FHIT: variants seen among roughly 807,000 people sequenced by gnomAD.
FHIT encodes the protein fragile histidine triad diadenosine triphosphatase, also known as bis(5'-adenosyl)-triphosphatase.
In FHIT, 19 loss-of-function variants were observed where a neutral mutation model predicts 17.9. The ratio of observed to expected loss-of-function variants is 1.06; its 90% CI spans 0.74 to 1.56. The LOEUF (loss-of-function observed/expected upper bound fraction) is 1.56. Ranked by LOEUF, FHIT falls within the 40% of genes most tolerant of loss-of-function variation. The pLI is 0.00. For missense variants in FHIT, 248 were observed against 189.2 expected (o/e 1.31, Z -1.82); for synonymous variants, 81 against 69.7 (o/e 1.16, Z -0.81).
intron 5 of FHIT, among the ~76,000 whole-genome samples, chr3:60,153,942 GT>G (rs1222423864): frequency 9.2e-5 from 14 of 152,186 alleles, no homozygotes; most frequent in African/African-American, 3.4e-4. Context: ...TGACATACTA[GT>G]AAGAGAGACA....
At chr3:60,215,564 A>AAAAAC (rs1293988829) in intron 5 of FHIT, among the ~76,000 whole-genome samples, 1 of 152,178 alleles carries the variant, frequency 6.6e-6, no homozygotes, top group African/African-American at 2.4e-5. Flanking sequence ...CTCCATCTCA[A>AAAAAC]AAAATAAAAT....
intron 8 of FHIT, among the ~76,000 whole-genome samples, chr3:59,900,376 C>T (rs1184984127): frequency 6.6e-6 from 1 of 152,222 alleles, no homozygotes; most frequent in Non-Finnish European, 1.5e-5. Flanking sequence ...CTGACTAAAT[C>T]AAAGTCCACA....
chr3:60,263,556 C>T (rs1706407534), intron 5 of FHIT, among the ~76,000 whole-genome samples: 1 of 151,664 alleles, frequency 6.6e-6, no homozygotes, highest in Non-Finnish European at 1.5e-5. Flanking sequence ...AGAAAAGGCC[C>T]CAGGAACAAA....
chr3:59,934,134 G>T (rs747605819), intron 7 of FHIT, among the ~76,000 whole-genome samples: 7 of 152,068 alleles, frequency 4.6e-5, no homozygotes, highest in Non-Finnish European at 8.8e-5. Flanking sequence ...TATATGCCAG[G>T]CACCATATGC....
Position 60,364,938 on chromosome 3 carries a change from T to G in FHIT, c.103+171922A>C, listed in dbSNP as rs376227167. On this transcript the variant is annotated intron_variant, in intron 5 of 9. Coordinates refer to ENST00000492590, the MANE Select transcript of FHIT (RefSeq NM_002012.4). ...GGCCTAATTAGATTAAATCATACCA[T>G]AGGCTTTCTTGGTTATCCAGCTTTC... 5.3e-5 allele frequency among the ~76,000 whole-genome samples: 8 copies of G among 152,222 alleles called. 1 individual carries two copies. The highest frequency in any genetic ancestry group is 2.1e-4 in the South Asian group (1 of 4,826).
intron 8 of FHIT, among the ~76,000 whole-genome samples, chr3:59,897,907 C>T (rs1035609857): frequency 6.6e-6 from 1 of 152,058 alleles, no homozygotes; most frequent in African/African-American, 2.4e-5. Context: ...GCTGGGACTA[C>T]AGGCACCCGC....
chr3:60,364,642 C>A (rs1312573547), intron 5 of FHIT, among the ~76,000 whole-genome samples: 4 of 152,134 alleles, frequency 2.6e-5, no homozygotes, highest in Non-Finnish European at 4.4e-5. Flanking sequence ...ATTCTATGTG[C>A]CAATTTGACT....
intron 7 of FHIT, among the ~76,000 whole-genome samples, chr3:59,968,188 G>T (rs1362980458): frequency 6.6e-6 from 1 of 152,002 alleles, no homozygotes; most frequent in Non-Finnish European, 1.5e-5. Flanking sequence ...CTTTCTTTAG[G>T]CTGTACCCAC....
intron 5 of FHIT, among the ~76,000 whole-genome samples, chr3:60,294,154 G>T (rs1708105010): frequency 1.3e-5 from 2 of 152,066 alleles, no homozygotes; most frequent in South Asian, 4.1e-4. Flanking sequence ...GTGAATATGG[G>T]GTCATAGCTT....
chr3:60,809,064 T>G (rs1164448764), intron 4 of FHIT, among the ~76,000 whole-genome samples: 18 of 152,214 alleles, frequency 1.2e-4, no homozygotes, highest in African/African-American at 4.3e-4. Flanking sequence ...TTCCCAGTAA[T>G]CAACATGCAG....
At chr3:60,978,239 T>C (rs1160591939) in intron 3 of FHIT, among the ~76,000 whole-genome samples, 6 of 152,190 alleles carry the variant, frequency 3.9e-5, no homozygotes, top group Non-Finnish European at 7.3e-5. Context: ...CTTCTAGAAC[T>C]TTAACGTGGC....
chr3:60,357,661 A>T (rs1308793160), intron 5 of FHIT, among the ~76,000 whole-genome samples: 1 of 152,230 alleles, frequency 6.6e-6, no homozygotes, highest in African/African-American at 2.4e-5. Context: ...AGCTTAATCC[A>T]ACATGAAAAT....
chr3:61,049,659 T>C (rs1054394295), intron 2 of FHIT, among the ~76,000 whole-genome samples: 5 of 152,166 alleles, frequency 3.3e-5, no homozygotes, highest in African/African-American at 9.7e-5. Context: ...AAAATCTCTA[T>C]AAAATCTAGC....
At chr3:59,838,486 G>C (rs1249921699) in intron 8 of FHIT, among the ~76,000 whole-genome samples, 2 of 152,122 alleles carry the variant, frequency 1.3e-5, no homozygotes, top group Non-Finnish European at 2.9e-5. Flanking sequence ...CAAATTCCAA[G>C]TAGATTCCAG....
chr3:60,594,103 T>G (rs1385043206), intron 4 of FHIT, among the ~76,000 whole-genome samples: 1 of 152,144 alleles, frequency 6.6e-6, no homozygotes, highest in African/African-American at 2.4e-5. Flanking sequence ...CCAGAAAAGT[T>G]AACACCTATA....
At chr3:61,177,719 T>G (rs901801577) in intron 2 of FHIT, among the ~76,000 whole-genome samples, 8 of 152,180 alleles carry the variant, frequency 5.3e-5, no homozygotes, top group Admixed American at 5.2e-4. Context: ...CAAACCTATC[T>G]CACATGACTG....
At position 60,077,955 on chromosome 3, in the gene FHIT, C is replaced by T. The variant is rs138167057; in HGVS notation, c.104-63803G>A. ...TTGTATATATGTATCCCATATCATA[C>T]TTTAAACCTCAAATACACAAAATAA... On this transcript the variant is annotated intron_variant, in intron 5 of 9. Coordinates refer to ENST00000492590, the MANE Select transcript of FHIT (RefSeq NM_002012.4). Among the ~76,000 whole-genome samples, 207 of 152,018 alleles carry T rather than the reference C, an allele frequency of 1.4e-3. 1 individual carries two copies. Among genetic ancestry groups the T allele is most frequent in the African/African-American group, 4.7e-3 (193 of 41,494 alleles).
intron 3 of FHIT, among the ~76,000 whole-genome samples, chr3:60,825,628 G>T (rs569639558): frequency 6.6e-6 from 1 of 152,034 alleles, no homozygotes; most frequent in South Asian, 2.1e-4. Context: ...ATAGGAGCAG[G>T]AACCCTAGTG....
chr3:60,494,302 A>C (rs2034198280), intron 5 of FHIT, among the ~76,000 whole-genome samples: 1 of 152,194 alleles, frequency 6.6e-6, no homozygotes, highest in South Asian at 2.1e-4. Context: ...TGTATCACAT[A>C]ATATGCGACT....
Sources: gnomAD v4.1 joint callset for allele counts (sites outside exome capture counted in the v4.1 genomes callset) on GRCh38, gnomAD v4.1.1 for gene constraint, MANE v1.5 for transcripts, NCBI Gene and HGNC (gene_info 2026-07-23, HGNC 2026-07-21) for gene names.